LMX1B: variants seen among roughly 807,000 people sequenced by gnomAD.
LMX1B encodes LIM homeobox transcription factor 1-beta.
A neutral mutation model predicts 51.4 loss-of-function variants in LMX1B; 12 were observed. That is an observed-to-expected ratio of 0.23 (90% CI 0.15 to 0.38). The LOEUF is 0.38. Ranked by LOEUF, LMX1B falls within the 10% of genes least tolerant of loss-of-function variation. The pLI, the probability that LMX1B is intolerant of heterozygous loss-of-function variation, is 1.00. For missense variants in LMX1B, 445 were observed against 571.1 expected (o/e 0.78, Z 2.25); for synonymous variants, 237 against 235.4 (o/e 1.01, Z -0.06).
chr9:126,684,314 G>A (rs942049780), intron 2 of LMX1B, among the ~76,000 whole-genome samples: 8 of 152,132 alleles, frequency 5.3e-5, no homozygotes, highest in East Asian at 1.9e-4. Flanking sequence ...GTGCAATTAC[G>A]GGGCTTCAGA....
chr9:126,700,548 TG>T lies in LMX1B; in HGVS notation c.*4103del. The T allele has an allele frequency of 6.6e-6, 1 of 152,556 alleles. No homozygotes were observed. Among genetic ancestry groups the T allele is most frequent in the Non-Finnish European group, 1.5e-5 (1 of 68,256 alleles). 9.5% of individuals were successfully genotyped at this position (152,556 alleles called of 1,614,324 possible). ...TGCAGCTCTGGGGCTAAGTCTGCCC[TG>T]GGGGGAAAGGGCTCCACGCTCACAC... is the stretch of plus-strand genomic sequence containing the variant. On this transcript the variant is annotated 3_prime_UTR_variant, in exon 8 of 8. Transcript: ENST00000373474.
At chr9:126,639,621 G>T (rs1035145647) in intron 2 of LMX1B, among the ~76,000 whole-genome samples, 1 of 152,160 alleles carries the variant, frequency 6.6e-6, no homozygotes, top group Non-Finnish European at 1.5e-5. Context: ...TGTTATTGCC[G>T]CAGCCTGGCC....
intron 2 of LMX1B, among the ~76,000 whole-genome samples, chr9:126,659,994 G>A: frequency 8.5e-6 from 1 of 118,216 alleles, no homozygotes; most frequent in African/African-American, 3.1e-5. Flanking sequence ...TCCTGTGTGT[G>A]TCTACACTGG....
At chr9:126,614,649 G>C in intron 1 of LMX1B, 61 bp downstream of exon 1, 1 of 1,455,264 alleles carries the variant, frequency 6.9e-7, no homozygotes, top group Non-Finnish European at 9.1e-7. Flanking sequence ...TCGTCCGGCT[G>C]TGGACACGGG....
chr9:126,660,674 GA>G (rs1049491905), intron 2 of LMX1B, among the ~76,000 whole-genome samples: 15 of 152,314 alleles, frequency 9.8e-5, no homozygotes, highest in African/African-American at 2.9e-4. Context: ...GAAGAGCTTG[GA>G]ATCCATGTGA....
intron 2 of LMX1B, among the ~76,000 whole-genome samples, chr9:126,672,107 A>G (rs1836470303): frequency 6.6e-6 from 1 of 152,238 alleles, no homozygotes; most frequent in African/African-American, 2.4e-5. Flanking sequence ...GAAGGTCTCC[A>G]GCTCTGGAGT....
chr9:126,623,752 AC>A (rs1835463560), intron 2 of LMX1B, among the ~76,000 whole-genome samples: 1 of 151,870 alleles, frequency 6.6e-6, no homozygotes, highest in South Asian at 2.1e-4. Flanking sequence ...GGTGTCACTG[AC>A]CTCCTCTGCG....
chr9:126,633,951 C>G (rs1835672813), intron 2 of LMX1B, among the ~76,000 whole-genome samples: 1 of 152,098 alleles, frequency 6.6e-6, no homozygotes. Flanking sequence ...GACCCCTCTG[C>G]CAGTTGGCCT....
intron 2 of LMX1B, among the ~76,000 whole-genome samples, chr9:126,650,903 G>A (rs1453800098): frequency 1.3e-5 from 2 of 152,216 alleles, no homozygotes; most frequent in Non-Finnish European, 2.9e-5. Flanking sequence ...AGCTTTTATG[G>A]CCCCTCCTCC....
chr9:126,659,400 G>A (rs938282584), intron 2 of LMX1B, among the ~76,000 whole-genome samples: 12 of 152,254 alleles, frequency 7.9e-5, no homozygotes, highest in Admixed American at 7.2e-4. Flanking sequence ...AGGCTGTCCT[G>A]TGCTCCAGCT....
intron 2 of LMX1B, among the ~76,000 whole-genome samples, chr9:126,679,441 G>A (rs1332388333): frequency 6.6e-6 from 1 of 151,762 alleles, no homozygotes; most frequent in Non-Finnish European, 1.5e-5. Context: ...GGATGGGTAA[G>A]TGGAAGGATA....
At position 126,615,747 on chromosome 9, in the gene LMX1B, G is replaced by T. The variant is rs945686; in HGVS notation, c.326+178G>T. 4.6e-5 allele frequency among the ~76,000 whole-genome samples: 7 copies of T among 152,042 alleles called. No individual in the cohort carries two copies. The highest frequency in any genetic ancestry group is 1.7e-4 in the African/African-American group (7 of 41,524). The stretch of plus-strand genomic sequence containing the variant: ...CTGGGGCGGACCAGCCCAGCCCAGC[G>T]GGCACTGATGGGGTCCTGGGAGCCT... On this transcript the variant is annotated intron_variant, in intron 2 of 7. Coordinates refer to ENST00000373474, the MANE Select transcript of LMX1B (RefSeq NM_001174147.2). The surrounding 1 kb of genome is among the most constrained non-coding windows in gnomAD (Gnocchi z 6.0).
chr9:126,681,049 G>C (rs1836660696), intron 2 of LMX1B, among the ~76,000 whole-genome samples: 1 of 152,154 alleles, frequency 6.6e-6, no homozygotes, highest in Admixed American at 6.5e-5. Flanking sequence ...CCCCACAGAA[G>C]CCTCAATATC....
intron 2 of LMX1B, among the ~76,000 whole-genome samples, chr9:126,617,144 G>A (rs986969171): frequency 6.6e-6 from 1 of 152,186 alleles, no homozygotes; most frequent in Non-Finnish European, 1.5e-5. Context: ...AATTGAATGG[G>A]GAAAATAGTT....
chr9:126,690,091 T>C (rs964840411), intron 2 of LMX1B, among the ~76,000 whole-genome samples: 2 of 150,852 alleles, frequency 1.3e-5, no homozygotes, highest in Non-Finnish European at 1.5e-5. Context: ...CTGGAGAAAC[T>C]GCAGGCTGTT....
At chr9:126,680,948 C>T (rs990546971) in intron 2 of LMX1B, among the ~76,000 whole-genome samples, 1 of 152,102 alleles carries the variant, frequency 6.6e-6, no homozygotes, top group African/African-American at 2.4e-5. Context: ...GAAGGATGGT[C>T]AGAGGGATGT....
rs117853473 is a variant in LMX1B at position 126,694,996 on chromosome 9, C to T, written c.887-843C>T. Among the ~76,000 whole-genome samples, 128 of 152,264 alleles carry T rather than the reference C, an allele frequency of 8.4e-4. 1 individual carries two copies. The East Asian group carries it at 0.022, about 26-fold the overall frequency. ...AAATGGCACCACCATCCGCCCTGTC[C>T]GAGCCAGGAACCAGGAGTCACCTCT... On this transcript the variant is annotated intron_variant, in intron 6 of 7. Coordinates refer to ENST00000373474, the MANE Select transcript of LMX1B (RefSeq NM_001174147.2).
At chr9:126,624,994 C>G (rs993541716) in intron 2 of LMX1B, among the ~76,000 whole-genome samples, 1 of 152,224 alleles carries the variant, frequency 6.6e-6, no homozygotes, top group Non-Finnish European at 1.5e-5. Context: ...ACACAAGTAC[C>G]TAGGATGGTG....
chr9:126,644,005 A>C (rs924772459), intron 2 of LMX1B, among the ~76,000 whole-genome samples: 4 of 152,202 alleles, frequency 2.6e-5, no homozygotes, highest in African/African-American at 9.7e-5. Context: ...AGGTCTGGCC[A>C]GCTCCACCAA....
Sources: allele counts gnomAD v4.1 joint callset (sites outside exome capture counted in the v4.1 genomes callset), GRCh38; gene constraint gnomAD v4.1.1; non-coding constraint Gnocchi (gnomAD v3.1); transcripts MANE v1.5; gene names NCBI Gene and HGNC (gene_info 2026-07-23, HGNC 2026-07-21).